The following GEMIN5 variants were observed in gnomAD, a reference collection of about 807,000 sequenced individuals.
GEMIN5 encodes gem-associated protein 5.
GEMIN5 carries 124 observed loss-of-function variants against 176.9 expected under a neutral mutation model. That is an observed-to-expected ratio of 0.70 (90% CI 0.61 to 0.81). The LOEUF (loss-of-function observed/expected upper bound fraction) is 0.81, where lower values mean the gene tolerates loss of function less well. Among genes scored for constraint, GEMIN5 ranks in the 40% least tolerant of loss-of-function variants. The pLI, the probability that GEMIN5 is intolerant of heterozygous loss-of-function variation, is 0.00. For synonymous variants in GEMIN5, 673 were observed against 665.2 expected (o/e 1.01, Z -0.18); for missense variants, 1,843 against 1,814.6 (o/e 1.02, Z -0.28).
intron 8 of GEMIN5, 65 bp downstream of exon 8, chr5:154,925,797 A>G: frequency 1.2e-6 from 1 of 849,496 alleles, no homozygotes; most frequent in South Asian, 1.5e-5. Flanking sequence ...TTAAATGAAC[A>G]GGCATAAAAG....
intron 6 of GEMIN5, 28 bp downstream of exon 6, chr5:154,928,499 T>C (rs1362212829): frequency 8.7e-6 from 14 of 1,610,554 alleles, no homozygotes; most frequent in Non-Finnish European, 1.2e-5. Flanking sequence ...AAAATATATC[T>C]GAGAAAGCAT....
In GEMIN5 at chr5:154,938,067, C is replaced by T. The variant is rs752877122; in HGVS notation, c.67G>A (p.Val23Met). The change falls in exon 1 of 28, where the codon GTG becomes ATG. Residue 23 changes from valine to methionine, a missense_variant. By Grantham distance (21) the Val-to-Met change is conservative (BLOSUM62 1). Coordinates refer to ENST00000285873, the MANE Select transcript of GEMIN5 (RefSeq NM_015465.5). ...NWYCARCSDA[V>M]PGGLFGFAAR... ...GCGAAGCCAAAGAGGCCCCCGGGCACGGCATCGCTGCAGCGGGCGCAGTAC... is the reference window on the plus strand; with the variant it reads ...GCGAAGCCAAAGAGGCCCCCGGGCATGGCATCGCTGCAGCGGGCGCAGTAC... The T allele has an allele frequency of 2.0e-6, 3 of 1,524,894 alleles. No homozygotes were observed. Among genetic ancestry groups the T allele is most frequent in the South Asian group, 1.2e-5 (1 of 81,570 alleles). 94.5% of individuals were successfully genotyped at this position (1,524,894 alleles called of 1,614,324 possible).
intron 14 of GEMIN5, among the ~76,000 whole-genome samples, chr5:154,912,135 C>CA (rs1763715781): frequency 6.6e-6 from 1 of 152,158 alleles, no homozygotes; most frequent in Non-Finnish European, 1.5e-5. Flanking sequence ...TTTGAATGAG[C>CA]TTCTACTGGT....
intron 1 of GEMIN5, among the ~76,000 whole-genome samples, chr5:154,937,562 C>T (rs1764295439): frequency 6.6e-6 from 1 of 152,236 alleles, no homozygotes; most frequent in South Asian, 2.1e-4. Context: ...CTGAAAGCAT[C>T]TGGTTCAACC....
At chr5:154,902,463 A>G in intron 20 of GEMIN5, 76 bp downstream of exon 20, 1 of 1,360,360 alleles carries the variant, frequency 7.4e-7, no homozygotes, top group South Asian at 1.2e-5. Context: ...AGACTGTGCT[A>G]AGAGCCATCT....
At chr5:154,925,833 C>T in intron 8 of GEMIN5, 29 bp downstream of exon 8, 1 of 1,367,416 alleles carries the variant, frequency 7.3e-7, no homozygotes, top group Non-Finnish European at 1.0e-6. Context: ...AAAAAAAGTT[C>T]AAAACAAGCT....
chr5:154,888,329 T>A lies in GEMIN5; in HGVS notation c.4408A>T (p.Ile1470Phe), dbSNP rs756587805. ...VLECCLVLLL[I>F]RSHFPGCLAQ... The stretch of plus-strand genomic sequence containing the variant: ...AGACAGCCAGGAAAGTGGGACCTGA[T>A]GAGAAGCAGGACGAGGCAGCACTCC... Residue 1470 changes from isoleucine (I) to phenylalanine (F), a missense_variant, in exon 28 of 28, where the codon ATC (isoleucine) becomes TTC (phenylalanine). Transcript: ENST00000285873. 1 of 1,614,052 alleles carries A rather than the reference T, an allele frequency of 6.2e-7. No homozygotes were observed. The highest frequency in any genetic ancestry group is 8.5e-7 in the Non-Finnish European group (1 of 1,179,988).
intron 5 of GEMIN5, among the ~76,000 whole-genome samples, chr5:154,929,210 A>G (rs1764108601): frequency 6.6e-6 from 1 of 152,168 alleles, no homozygotes; most frequent in Admixed American, 6.5e-5. Context: ...GGCGACAGAG[A>G]GAGACTCTGC....
At chr5:154,905,171 G>C (rs1426000726) in intron 17 of GEMIN5, among the ~76,000 whole-genome samples, 192 bp downstream of exon 17, 1 of 152,142 alleles carries the variant, frequency 6.6e-6, no homozygotes, top group Non-Finnish European at 1.5e-5. Context: ...TCCAGCCTGG[G>C]TGACTGGAGT....
intron 5 of GEMIN5, among the ~76,000 whole-genome samples, chr5:154,929,273 A>G (rs1399175485): frequency 1.3e-5 from 2 of 152,152 alleles, no homozygotes; most frequent in East Asian, 3.8e-4. Context: ...CCCAAGTAAA[A>G]CTGAGAACCC....
chr5:154,918,599 AG>A (rs1582667542), intron 11 of GEMIN5, among the ~76,000 whole-genome samples: 1 of 152,366 alleles, frequency 6.6e-6, no homozygotes, highest in East Asian at 1.9e-4. Context: ...GAAGAGACTT[AG>A]GAACACGAAT....
chr5:154,928,912 C>G (rs183079456), intron 5 of GEMIN5, among the ~76,000 whole-genome samples: 21 of 152,196 alleles, frequency 1.4e-4, no homozygotes, highest in African/African-American at 4.8e-4. Context: ...TCTTGACAAC[C>G]TCAACGTATT....
chr5:154,935,703 A>G, intron 3 of GEMIN5, 138 bp downstream of exon 3: 1 of 621,546 alleles, frequency 1.6e-6, no homozygotes, highest in South Asian at 2.0e-5. Context: ...GGAATAAATG[A>G]TGCCAGGGGC....
At chr5:154,931,680 A>T in intron 4 of GEMIN5, 103 bp from the exon 5 acceptor site, 3 of 849,826 alleles carry the variant, frequency 3.5e-6, no homozygotes, top group Non-Finnish European at 5.5e-6. Context: ...TCTCTTTCAT[A>T]GGTCTGAACT....
At position 154,925,959 on chromosome 5, in the gene GEMIN5, A is replaced by T. The variant is rs758051159; in HGVS notation, c.1196T>A (p.Val399Asp). The change falls in exon 8 of 28, where the codon GTT becomes GAT. Residue 399 changes from valine (V) to aspartate (D), a missense_variant. Coordinates refer to ENST00000285873, the MANE Select transcript of GEMIN5 (RefSeq NM_015465.5). Reference protein sequence around the residue: ...SVDIGSLAIGVGDGMIRVWNT... With the variant: ...SVDIGSLAIGDGDGMIRVWNT... ...CCATACACGGATCATGCCATCCCCA[A>T]CACCTATGGCCAAAGAGCCTATGTC... The T allele has an allele frequency of 6.2e-7, 1 of 1,612,484 alleles. No homozygotes were observed. Among genetic ancestry groups the T allele is most frequent in the African/African-American group, 1.3e-5 (1 of 74,900 alleles).
rs546296066 is a variant in GEMIN5 at position 154,921,926 on chromosome 5, T to C, written c.1380-501A>G. Among the ~76,000 whole-genome samples, 55 of 152,342 alleles carry C rather than the reference T, an allele frequency of 3.6e-4. 1 individual carries two copies. Among genetic ancestry groups the C allele is most frequent in the Admixed American group, 6.5e-4 (10 of 15,302 alleles). On this transcript the variant is annotated intron_variant, in intron 9 of 27. Transcript: ENST00000285873. ...AGGTTGTTGTGGTAATGATATGTGATGTGTCAGTAAAGAATGCTTAACTTT... is the reference window on the plus strand; with the variant it reads ...AGGTTGTTGTGGTAATGATATGTGACGTGTCAGTAAAGAATGCTTAACTTT...
At chr5:154,927,592 T>A in intron 6 of GEMIN5, 42 bp from the exon 7 acceptor site, 1 of 1,459,654 alleles carries the variant, frequency 6.9e-7, no homozygotes, top group Non-Finnish European at 9.5e-7. Flanking sequence ...TTACAAACGA[T>A]CTGAAAACAA....
At chr5:154,890,617 C>T (rs1763204438) in intron 26 of GEMIN5, among the ~76,000 whole-genome samples, 1 of 152,056 alleles carries the variant, frequency 6.6e-6, no homozygotes. Flanking sequence ...GTGCATGCCA[C>T]CACTACTGGC....
rs1429533602 is a variant in GEMIN5 at position 154,912,835 on chromosome 5, AAAG to A, written c.1995+61_1995+63del. 2.8e-6 allele frequency: 4 copies of A among 1,404,524 alleles called. No homozygotes were observed. In the Admixed American group the frequency reaches 5.9e-5, roughly 21 times the overall value. 87.0% of individuals were successfully genotyped at this position (1,404,524 alleles called of 1,614,324 possible). On this transcript the variant is annotated intron_variant, in intron 14 of 27. Transcript: ENST00000285873. ...GGGGAACCTGTTCACAACTGGGGGA[AAAG>A]AAGAAAGAATTTGTTAGAGTACACA... is the stretch of plus-strand genomic sequence containing the variant.
Sources: allele counts gnomAD v4.1 joint callset (sites outside exome capture counted in the v4.1 genomes callset), GRCh38; gene constraint gnomAD v4.1.1; transcripts MANE v1.5; gene names NCBI Gene and HGNC (gene_info 2026-07-23, HGNC 2026-07-21).